Variants in TAAR5 observed in about 807,000 individuals in gnomAD.
TAAR5 encodes trace amine-associated receptor 5.
Under a neutral mutation model 21.1 loss-of-function variants are expected in TAAR5, and 27 were observed. That is an observed-to-expected ratio of 1.28 (90% CI 0.94 to 1.76). TAAR5 has a LOEUF of 1.76. Ranked by LOEUF, TAAR5 falls within the 40% of genes most tolerant of loss-of-function variation. TAAR5 has a pLI of 0.00. For missense variants in TAAR5, 495 were observed against 405.6 expected, an observed-to-expected ratio of 1.22 and a Z score of -1.89; for synonymous variants, 203 against 167.5, an observed-to-expected ratio of 1.21 and a Z score of -1.64.
At chr6:132,601,523 T>G in the TAAR5 span, among the ~76,000 whole-genome samples, 284 of 152,314 alleles carry the variant, frequency 1.9e-3, 3 homozygotes, top group African/African-American at 6.7e-3. Flanking sequence ...ATCACTGACA[T>G]GCAGTAAAAT....
At position 132,589,471 on chromosome 6, in the gene TAAR5, C is replaced by T. The variant is rs1168286083; in HGVS notation, c.216G>A (p.Leu72=). 2.5e-6 allele frequency: 4 copies of T among 1,613,802 alleles called. No individual in the cohort carries two copies. The Admixed American group carries it at 6.7e-5, about 27-fold the overall frequency. ...FKALHTPTNF[L]LLSLALADMF... is the part of the protein sequence containing the mutation. ...TGTCAGCCAGGGCCAGGGAGAGCAGCAGGAAGTTGGTGGGCGTGTGAAGCG... is the reference window on the plus strand; with the variant it reads ...TGTCAGCCAGGGCCAGGGAGAGCAGTAGGAAGTTGGTGGGCGTGTGAAGCG... Residue 72 remains leucine (L), a synonymous_variant, in exon 1 of 1, where the codon CTG becomes CTA. Transcript: ENST00000258034.
the TAAR5 span, among the ~76,000 whole-genome samples, chr6:132,615,145 T>C: frequency 0.043 from 6,616 of 152,100 alleles, 255 homozygotes; most frequent in African/African-American, 0.093. Flanking sequence ...TACAGGCATC[T>C]CTGTGTGTTT....
At chr6:132,611,750 G>T in the TAAR5 span, among the ~76,000 whole-genome samples, 2 of 152,094 alleles carry the variant, frequency 1.3e-5, no homozygotes, top group African/African-American at 2.4e-5. Flanking sequence ...CCTAAAATAG[G>T]TCATAAGACT....
the TAAR5 span, among the ~76,000 whole-genome samples, chr6:132,611,805 A>G: frequency 6.6e-6 from 1 of 152,184 alleles, no homozygotes; most frequent in African/African-American, 2.4e-5. Context: ...ACACAGAAAC[A>G]TCAAGAAGAA....
the TAAR5 span, among the ~76,000 whole-genome samples, chr6:132,615,626 C>A: frequency 6.6e-6 from 1 of 151,844 alleles, no homozygotes; most frequent in South Asian, 2.1e-4. Flanking sequence ...GAAATGAAGA[C>A]AGAGTGAATG....
Position 132,589,206 on chromosome 6 carries a change from C to A in TAAR5, c.481G>T (p.Val161Leu). Residue 161 changes from valine to leucine, a missense_variant, in exon 1 of 1, where the codon GTG (valine) becomes TTG (leucine). Val to Leu is a conservative substitution (Grantham distance 32). Coordinates refer to ENST00000258034, the MANE Select transcript of TAAR5 (RefSeq NM_003967.3). ...AATAACGAAGTGTATGCTGCGGGCA[C>A]CCCCCATCCTGCCAGGATGTACCTG... ...ALRYILAGWG[V>L]PAAYTSLFLY... The A allele has an allele frequency of 1.2e-6, 2 of 1,604,228 alleles. No individual in the cohort carries two copies. Among genetic ancestry groups the A allele is most frequent in the Non-Finnish European group, 1.7e-6 (2 of 1,174,966 alleles).
chr6:132,609,217 G>C, the TAAR5 span: 1 of 346,700 alleles, frequency 2.9e-6, no homozygotes, highest in Non-Finnish European at 5.7e-6. Context: ...TGGGAGGACA[G>C]GATTTATTTA....
In TAAR5 at chr6:132,589,713, G is replaced by A. The variant is rs1450668786; in HGVS notation, c.-27C>T. The A allele has an allele frequency of 1.5e-6, 1 of 670,272 alleles. No individual in the cohort carries two copies. The highest frequency in any genetic ancestry group is 2.0e-6 in the Non-Finnish European group (1 of 493,014). The allele number at this position is 670,272 out of a possible 1,614,324, so 41.5% of individuals were successfully genotyped here. A position where few individuals can be genotyped will look rare whatever the true frequency, so the allele number is the denominator to read the frequency against. On this transcript the variant is annotated 5_prime_UTR_variant, in exon 1 of 1. Coordinates refer to ENST00000258034, the MANE Select transcript of TAAR5 (RefSeq NM_003967.3). Reference sequence around the variant, plus strand: ...TATGATTTCTACTCTTCCTCTGTCTGAGAACTGGCCACCTTCTCCACTGGA... The same window carrying A: ...TATGATTTCTACTCTTCCTCTGTCTAAGAACTGGCCACCTTCTCCACTGGA...
chr6:132,589,048 G>T lies in TAAR5; in HGVS notation c.639C>A (p.Leu213=), dbSNP rs1312401760. The T allele has an allele frequency of 6.2e-7, 1 of 1,614,080 alleles. No individual in the cohort carries two copies. Among genetic ancestry groups the T allele is most frequent in the South Asian group, 1.1e-5 (1 of 91,078 alleles). Reference sequence around the variant, plus strand: ...TCTTCACATACAAGCTGATCATAATGAGGCAGGGGACAAAGAACAAAGGGA... The same window carrying T: ...TCTTCACATACAAGCTGATCATAATTAGGCAGGGGACAAAGAACAAAGGGA... ...LNFPLFFVPC[L]IMISLYVKIF... is the part of the protein sequence containing the mutation. The change falls in exon 1 of 1, where the codon CTC becomes CTA. Residue 213 remains leucine (L), a synonymous_variant. Coordinates refer to ENST00000258034, the MANE Select transcript of TAAR5 (RefSeq NM_003967.3).
chr6:132,607,553 T>C, the TAAR5 span, among the ~76,000 whole-genome samples: 1 of 152,112 alleles, frequency 6.6e-6, no homozygotes, highest in Non-Finnish European at 1.5e-5. Flanking sequence ...TGGCCAATCA[T>C]GGAGACATAC....
At position 132,589,364 on chromosome 6, in the gene TAAR5, C is replaced by A. The variant is rs372095515; in HGVS notation, c.323G>T (p.Arg108Leu). The A allele has an allele frequency of 3.7e-6, 6 of 1,613,802 alleles. No individual in the cohort carries two copies. The highest frequency in any genetic ancestry group is 4.2e-6 in the Non-Finnish European group (5 of 1,179,960). ...SCWFFGDFLC[R>L]LHTYLDTLFC... ...GAGGGTGTCCAGGTAGGTGTGCAGG[C>A]GGCAGAGGAAGTCCCCGAAGAACCA... Residue 108 changes from arginine (R) to leucine (L), a missense_variant, in exon 1 of 1, where the codon CGC becomes CTC. Transcript: ENST00000258034.
At chr6:132,615,948 T>A in the TAAR5 span, among the ~76,000 whole-genome samples, 1 of 151,854 alleles carries the variant, frequency 6.6e-6, no homozygotes, top group Non-Finnish European at 1.5e-5. Context: ...CATGAGGCTA[T>A]ACTTAGCCTC....
At chr6:132,610,882 C>G in the TAAR5 span, among the ~76,000 whole-genome samples, 1 of 152,096 alleles carries the variant, frequency 6.6e-6, no homozygotes, top group Non-Finnish European at 1.5e-5. Context: ...TGCAGGCTTT[C>G]CAGCTCTGAA....
the TAAR5 span, among the ~76,000 whole-genome samples, chr6:132,610,471 G>C: frequency 6.6e-6 from 1 of 152,120 alleles, no homozygotes; most frequent in Non-Finnish European, 1.5e-5. Flanking sequence ...TCCTAAGAAA[G>C]AGCACAGAAA....
At chr6:132,594,050 A>G (rs768765895), upstream of TAAR5, among the ~76,000 whole-genome samples, 6 of 152,222 alleles carry the variant, frequency 3.9e-5, no homozygotes, top group Non-Finnish European at 7.3e-5. Flanking sequence ...GTGGAAACCA[A>G]CTTTGCTTTT....
At chr6:132,601,586 A>C in the TAAR5 span, among the ~76,000 whole-genome samples, 1 of 152,246 alleles carries the variant, frequency 6.6e-6, no homozygotes, top group African/African-American at 2.4e-5. Flanking sequence ...TCTCATAAAG[A>C]AACATGTTTG....
the TAAR5 span, among the ~76,000 whole-genome samples, chr6:132,600,819 G>GGGAGGGAAGGAGGGAA: frequency 2.7e-5 from 2 of 75,266 alleles, no homozygotes; most frequent in Admixed American, 1.5e-4. Context: ...GAAGGAAGGA[G>GGGAGGGAAGGAGGGAA]GGAGGGAAGG....
In TAAR5 at chr6:132,589,255, G is replaced by A. The variant is rs139894475; in HGVS notation, c.432C>T (p.Ser144=). The change falls in exon 1 of 1, where the codon TCC becomes TCT. Residue 144 remains serine (S), a synonymous_variant. Transcript: ENST00000258034. Reference sequence around the variant, plus strand: ...TGAGAGCCACCCTCACTGTGAACTTGGAGGGATAGAGCAGGGGGTCACAGA... The same window carrying A: ...TGAGAGCCACCCTCACTGTGAACTTAGAGGGATAGAGCAGGGGGTCACAGA... ...CAICDPLLYP[S]KFTVRVALRY... is the part of the protein sequence containing the mutation. The A allele has an allele frequency of 5.6e-6, 9 of 1,609,004 alleles. No individual in the cohort carries two copies. The Admixed American group carries it at 1.3e-4, about 24-fold the overall frequency.
Position 132,589,208 on chromosome 6 carries a change from C to T in TAAR5, c.479G>A (p.Gly160Glu). ...TAACGAAGTGTATGCTGCGGGCACCCCCCATCCTGCCAGGATGTACCTGAG... is the reference window on the plus strand; with the variant it reads ...TAACGAAGTGTATGCTGCGGGCACCTCCCATCCTGCCAGGATGTACCTGAG... Reference protein sequence around the residue: ...VALRYILAGWGVPAAYTSLFL... With the variant: ...VALRYILAGWEVPAAYTSLFL... The change falls in exon 1 of 1, where the codon GGG becomes GAG. Residue 160 changes from glycine to glutamate, a missense_variant. Coordinates refer to ENST00000258034, the MANE Select transcript of TAAR5 (RefSeq NM_003967.3). The T allele has an allele frequency of 6.2e-7, 1 of 1,605,010 alleles. No individual in the cohort carries two copies. The highest frequency in any genetic ancestry group is 8.5e-7 in the Non-Finnish European group (1 of 1,175,394).
Sources: gnomAD v4.1 joint callset for allele counts (sites outside exome capture counted in the v4.1 genomes callset) on GRCh38, gnomAD v4.1.1 for gene constraint, MANE v1.5 for transcripts, NCBI Gene and HGNC (gene_info 2026-07-23, HGNC 2026-07-21) for gene names.